The following NKTR variants were observed in gnomAD, a reference collection of about 807,000 sequenced individuals.
The protein encoded by NKTR is NK-tumor recognition protein.
In NKTR, 67 loss-of-function variants were observed where a neutral mutation model predicts 156.3. The observed-to-expected ratio is 0.43, with a 90% CI of 0.35 to 0.53. The LOEUF (loss-of-function observed/expected upper bound fraction) is 0.53, where lower values mean the gene tolerates loss of function less well. Ranked by LOEUF, NKTR falls within the 20% of genes least tolerant of loss-of-function variation. NKTR has a pLI of 0.01. For missense variants in NKTR, 1,604 were observed against 1,730.9 expected (o/e 0.93, Z 1.30); for synonymous variants, 640 against 596.6 (o/e 1.07, Z -1.06).
chr3:42,605,414 A>T (rs1343785394), intron 2 of NKTR, among the ~76,000 whole-genome samples: 1 of 152,216 alleles, frequency 6.6e-6, no homozygotes, highest in Non-Finnish European at 1.5e-5. Flanking sequence ...TTTAGCAAAC[A>T]TTGTAAAGTA....
rs1709597753 is a variant in NKTR at position 42,638,336 on chromosome 3, A to C, written c.2632A>C (p.Lys878Gln). The change falls in exon 13 of 17, where the codon AAG becomes CAG. Residue 878 changes from lysine to glutamine, a missense_variant. This residue lies in a region of NKTR where 1,255 missense variants were observed against 1,243.7 expected (regional missense o/e 1.01). Transcript: ENST00000232978. ...TAGAAATGGCAGTAAGCCCAAAAGGAAGAATTATGCTGGTAGTAAATGGGA... is the reference window on the plus strand; with the variant it reads ...TAGAAATGGCAGTAAGCCCAAAAGGCAGAATTATGCTGGTAGTAAATGGGA... ...HLRNGSKPKR[K>Q]NYAGSKWDSE... 6.2e-7 allele frequency: 1 copy of C among 1,611,266 alleles called. No homozygotes were observed. Among genetic ancestry groups the C allele is most frequent in the African/African-American group, 1.3e-5 (1 of 74,738 alleles).
chr3:42,630,319 TAG>T, intron 6 of NKTR: 1 of 1,372,882 alleles, frequency 7.3e-7, no homozygotes, highest in Non-Finnish European at 9.4e-7. Context: ...TATAGTCTAA[TAG>T]AGATGATTGT....
chr3:42,618,649 T>C (rs1707625808), intron 3 of NKTR, among the ~76,000 whole-genome samples: 2 of 152,072 alleles, frequency 1.3e-5, no homozygotes, highest in South Asian at 2.1e-4. Context: ...AATTTCACCC[T>C]GTTGGCCAAG....
At position 42,639,259 on chromosome 3, in the gene NKTR, T is replaced by C; in HGVS notation, c.3555T>C (p.Ser1185=). The part of the protein sequence containing the change: ...VVKQESSMSE[S]KVLGEVGKQD... ...AACAGGAAAGCAGCATGTCCGAAAG[T>C]AAAGTGTTGGGTGAAGTGGGGAAAC... The change falls in exon 13 of 17, where the codon AGT becomes AGC. Residue 1185 remains serine (S), a synonymous_variant. Coordinates refer to ENST00000232978, the MANE Select transcript of NKTR (RefSeq NM_005385.4). The C allele has an allele frequency of 6.2e-7, 1 of 1,614,168 alleles. No homozygotes were observed. Among genetic ancestry groups the C allele is most frequent in the Non-Finnish European group, 8.5e-7 (1 of 1,180,012 alleles).
intron 1 of NKTR, 91 bp downstream of exon 1, chr3:42,600,869 C>A (rs1296080416): frequency 1.7e-6 from 1 of 604,452 alleles, no homozygotes; most frequent in Non-Finnish European, 2.6e-6. Context: ...TGCGCTGTCG[C>A]GACGGGCCGG....
Position 42,646,063 on chromosome 3 carries a change from A to G in NKTR, c.*88A>G, listed in dbSNP as rs767672954. ...AATGACAGTCTGTTGTTCTATTTCA[A>G]TATCAGAGGTGAATTTCAAAAATAG... On this transcript the variant is annotated 3_prime_UTR_variant, in exon 17 of 17. Transcript: ENST00000232978. 2.5e-5 allele frequency: 23 copies of G among 931,276 alleles called. No individual in the cohort carries two copies. Among genetic ancestry groups the G allele is most frequent in the Non-Finnish European group, 3.4e-5 (20 of 592,792 alleles). The allele number at this position is 931,276 out of a possible 1,614,324, so 57.7% of individuals were successfully genotyped here. A position where few individuals can be genotyped will look rare whatever the true frequency, so the allele number is the denominator to read the frequency against.
At chr3:42,604,004 T>C (rs1192426691) in intron 2 of NKTR, among the ~76,000 whole-genome samples, 1 of 152,180 alleles carries the variant, frequency 6.6e-6, no homozygotes, top group Non-Finnish European at 1.5e-5. Flanking sequence ...CCGAAAGTGC[T>C]AGAATTACAG....
rs1490652112 is a variant in NKTR at position 42,636,908 on chromosome 3, T to A, written c.1204T>A (p.Leu402Met). 1.9e-6 allele frequency: 3 copies of A among 1,580,224 alleles called. No individual in the cohort carries two copies. The change falls in exon 13 of 17, where the codon TTG (leucine) becomes ATG (methionine). Residue 402 changes from leucine (L) to methionine (M), a missense_variant. Coordinates refer to ENST00000232978, the MANE Select transcript of NKTR (RefSeq NM_005385.4). ...PCSSRWDERS[L>M]SQRSRSWSYN... ...TTCAAGCCGATGGGATGAAAGAAGC[T>A]TGTCTCAGAGATCCAGATCATGGTC... is the stretch of plus-strand genomic sequence containing the variant.
chr3:42,645,979 C>T lies in NKTR; in HGVS notation c.*4C>T, dbSNP rs200060605. Reference sequence around the variant, plus strand: ...TGAGAGCAGCAGATACAGTTGAAAACGTCCGGATACAAATTATATCTTATT... The same window carrying T: ...TGAGAGCAGCAGATACAGTTGAAAATGTCCGGATACAAATTATATCTTATT... On this transcript the variant is annotated 3_prime_UTR_variant, in exon 17 of 17. Coordinates refer to ENST00000232978, the MANE Select transcript of NKTR (RefSeq NM_005385.4). The T allele has an allele frequency of 7.9e-5, 126 of 1,602,530 alleles. No individual in the cohort carries two copies. The highest frequency in any genetic ancestry group is 9.6e-5 in the Non-Finnish European group (112 of 1,170,034).
chr3:42,603,375 A>G (rs1169232407), intron 2 of NKTR, among the ~76,000 whole-genome samples: 1 of 148,510 alleles, frequency 6.7e-6, no homozygotes, highest in African/African-American at 2.5e-5. Flanking sequence ...AAAAAAAAAA[A>G]AAAAAAAAAA....
intron 16 of NKTR, among the ~76,000 whole-genome samples, chr3:42,644,406 TTA>T (rs1038608963): frequency 1.3e-5 from 2 of 152,212 alleles, no homozygotes; most frequent in Non-Finnish European, 2.9e-5. Context: ...GGATTGAGGT[TTA>T]TATGTTGTCA....
chr3:42,632,827 C>T lies in NKTR; in HGVS notation c.773+4C>T, dbSNP rs770250636. 4 of 1,566,724 alleles carry T rather than the reference C, an allele frequency of 2.6e-6. No homozygotes were observed. Among genetic ancestry groups the T allele is most frequent in the African/African-American group, 1.4e-5 (1 of 72,888 alleles). ...AACATGCAATGAACCCAAAAGGGTA[C>T]GTGTAAAACACCAATGTACTCTTAC... On this transcript the variant is annotated splice_donor_region_variant and intron_variant, in intron 9 of 16. Transcript: ENST00000232978.
rs758149437 is a variant in NKTR at position 42,636,988 on chromosome 3, A to C, written c.1284A>C (p.Lys428Asn). Residue 428 changes from lysine (K) to asparagine (N), a missense_variant, in exon 13 of 17, where the codon AAA becomes AAC. Lys to Asn is a moderately conservative substitution (Grantham distance 94). Coordinates refer to ENST00000232978, the MANE Select transcript of NKTR (RefSeq NM_005385.4). ...LSTARHSGHHKKRRKEKKVKH... is the reference protein window; with the variant it reads ...LSTARHSGHHNKRRKEKKVKH... ...CAGCAAGACACTCTGGCCACCATAAAAAACGCAGAAAAGAAAAAAAGGTTA... is the reference window on the plus strand; with the variant it reads ...CAGCAAGACACTCTGGCCACCATAACAAACGCAGAAAAGAAAAAAAGGTTA... 1 of 1,613,508 alleles carries C rather than the reference A, an allele frequency of 6.2e-7. No individual in the cohort carries two copies. Among genetic ancestry groups the C allele is most frequent in the Admixed American group, 1.7e-5 (1 of 59,860 alleles).
intron 6 of NKTR, chr3:42,627,877 A>G: frequency 1.0e-6 from 1 of 985,310 alleles, no homozygotes; most frequent in Non-Finnish European, 1.2e-6. Context: ...TTTAAGATCA[A>G]TGCAATTTTT....
intron 6 of NKTR, chr3:42,630,031 C>T (rs1708746270): frequency 4.1e-6 from 4 of 985,510 alleles, no homozygotes; most frequent in Non-Finnish European, 4.8e-6. Context: ...AACAGAACTC[C>T]TGAGACCTAC....
At chr3:42,613,103 G>T (rs997113589) in intron 2 of NKTR, among the ~76,000 whole-genome samples, 1 of 152,114 alleles carries the variant, frequency 6.6e-6, no homozygotes, top group Non-Finnish European at 1.5e-5. Context: ...AGCAGTCATG[G>T]TCCCTATCTC....
chr3:42,620,936 A>C, intron 5 of NKTR: 1 of 890,190 alleles, frequency 1.1e-6, no homozygotes, highest in Non-Finnish European at 1.3e-6. Context: ...TGTTCCTGTA[A>C]CTTAATATAA....
intron 5 of NKTR, chr3:42,620,184 A>G: frequency 1.5e-6 from 2 of 1,309,254 alleles, no homozygotes; most frequent in Non-Finnish European, 1.9e-6. Flanking sequence ...GTATTATTTC[A>G]TACATGCTTC....
chr3:42,636,762 T>G (rs1709451504), intron 12 of NKTR, 106 bp from the exon 13 acceptor site: 2 of 1,442,798 alleles, frequency 1.4e-6, no homozygotes, highest in Non-Finnish European at 1.8e-6. Flanking sequence ...CTGCGTGTGC[T>G]TAAAGTGTTA....
Sources: gnomAD v4.1 joint callset for allele counts (sites outside exome capture counted in the v4.1 genomes callset) on GRCh38, gnomAD v4.1.1 for gene constraint, gnomAD v4.1.1 regional missense constraint, MANE v1.5 for transcripts, NCBI Gene and HGNC (gene_info 2026-07-23, HGNC 2026-07-21) for gene names.